The following PDE4B variants were observed in gnomAD, a reference collection of about 807,000 sequenced individuals.
PDE4B encodes the protein phosphodiesterase 4B, also known as 3',5'-cyclic-AMP phosphodiesterase 4B.
Under a neutral mutation model 82.2 loss-of-function variants are expected in PDE4B, and 20 were observed. That is an observed-to-expected ratio of 0.24 (90% CI 0.17 to 0.35). The LOEUF (loss-of-function observed/expected upper bound fraction) is 0.35, where lower values mean the gene tolerates loss of function less well. PDE4B is among the 10% of genes least tolerant of loss of function. The pLI is 1.00. For synonymous variants in PDE4B, 320 were observed against 318.9 expected, an observed-to-expected ratio of 1.00 and a Z score of -0.04; for missense variants, 655 against 907.2, an observed-to-expected ratio of 0.72 and a Z score of 3.57.
intron 3 of PDE4B, among the ~76,000 whole-genome samples, chr1:65,959,543 A>G (rs567956401): frequency 6.8e-6 from 1 of 148,120 alleles, no homozygotes; most frequent in Admixed American, 6.7e-5. Context: ...AAATAATATT[A>G]ACATTAATAT....
intron 1 of PDE4B, among the ~76,000 whole-genome samples, chr1:65,879,062 T>G (rs1646681159): frequency 6.6e-6 from 1 of 152,120 alleles, no homozygotes; most frequent in Non-Finnish European, 1.5e-5. Context: ...ATGAAGAAAC[T>G]GAGACACAGA....
intron 3 of PDE4B, among the ~76,000 whole-genome samples, chr1:66,171,509 T>A (rs1646835891): frequency 6.6e-6 from 1 of 152,084 alleles, no homozygotes. Context: ...AAGGGAAAAA[T>A]TATTTAAATT....
At chr1:65,859,147 G>C (rs564589232) in intron 1 of PDE4B, among the ~76,000 whole-genome samples, 41 of 152,088 alleles carry the variant, frequency 2.7e-4, no homozygotes, top group African/African-American at 9.6e-4. Flanking sequence ...GGATCTTTGA[G>C]AACTTATTTT....
At chr1:66,000,984 G>A (rs1447088065) in intron 3 of PDE4B, among the ~76,000 whole-genome samples, 2 of 152,126 alleles carry the variant, frequency 1.3e-5, no homozygotes, top group African/African-American at 2.4e-5. Context: ...GGAGAATTTT[G>A]GAGGATTCTC....
chr1:66,368,577 C>G (rs776033974), intron 15 of PDE4B, among the ~76,000 whole-genome samples: 1 of 152,202 alleles, frequency 6.6e-6, no homozygotes, highest in South Asian at 2.1e-4. Flanking sequence ...AGAAGACACA[C>G]GTTTTCCCCT....
intron 1 of PDE4B, among the ~76,000 whole-genome samples, chr1:65,820,713 T>G (rs1645942265): frequency 6.6e-6 from 1 of 152,226 alleles, no homozygotes; most frequent in African/African-American, 2.4e-5. Context: ...ATCTACAAAG[T>G]AGAGATATGG....
At chr1:66,128,112 G>T (rs535071529) in intron 3 of PDE4B, among the ~76,000 whole-genome samples, 1 of 152,220 alleles carries the variant, frequency 6.6e-6, no homozygotes, top group South Asian at 2.1e-4. Flanking sequence ...TTTAACATAG[G>T]TAGATTCTGG....
intron 3 of PDE4B, among the ~76,000 whole-genome samples, chr1:66,210,595 CAAAAAAAA>C (rs35825766): frequency 4.4e-5 from 2 of 45,826 alleles, no homozygotes; most frequent in African/African-American, 8.5e-5. Context: ...GACTCCATCT[CAAAAAAAA>C]AAAAAAAAAA....
chr1:65,962,577 C>T (rs1015847413), intron 3 of PDE4B, among the ~76,000 whole-genome samples: 3 of 152,088 alleles, frequency 2.0e-5, no homozygotes, highest in Non-Finnish European at 1.5e-5. Context: ...GGAGATTATC[C>T]AAATTTGGGT....
intron 1 of PDE4B, among the ~76,000 whole-genome samples, chr1:65,809,201 C>T (rs953904500): frequency 3.3e-5 from 5 of 151,614 alleles, no homozygotes; most frequent in Admixed American, 2.0e-4. Flanking sequence ...CATGGTGGCA[C>T]GGGCCTGTAA....
chr1:66,208,428 A>G (rs1327768541), intron 3 of PDE4B, among the ~76,000 whole-genome samples: 1 of 152,226 alleles, frequency 6.6e-6, no homozygotes, highest in East Asian at 1.9e-4. Context: ...TACACCAGCC[A>G]GTTCTAGAGA....
intron 3 of PDE4B, among the ~76,000 whole-genome samples, chr1:66,073,055 C>T (rs1219205956): frequency 6.7e-6 from 1 of 150,038 alleles, no homozygotes; most frequent in Non-Finnish European, 1.5e-5. Flanking sequence ...CTTATAGAAA[C>T]ATATTTGCCC....
At chr1:66,131,397 A>G (rs1260901043) in intron 3 of PDE4B, among the ~76,000 whole-genome samples, 1 of 151,598 alleles carries the variant, frequency 6.6e-6, no homozygotes, top group Non-Finnish European at 1.5e-5. Flanking sequence ...TATAAACAAC[A>G]TAAAATATTT....
intron 1 of PDE4B, among the ~76,000 whole-genome samples, chr1:65,875,638 C>A (rs1402417522): frequency 6.7e-6 from 1 of 149,450 alleles, no homozygotes; most frequent in African/African-American, 2.5e-5. Flanking sequence ...ATGATGAGTT[C>A]ATGTCCTTTG....
At chr1:66,361,126 A>AT (rs566720486) in intron 9 of PDE4B, among the ~76,000 whole-genome samples, 1 of 152,060 alleles carries the variant, frequency 6.6e-6, no homozygotes, top group South Asian at 2.1e-4. Flanking sequence ...GGATTTTTAA[A>AT]TTTTTTTTAA....
chr1:65,902,895 G>C (rs907950324), intron 1 of PDE4B, among the ~76,000 whole-genome samples: 1 of 152,124 alleles, frequency 6.6e-6, no homozygotes, highest in African/African-American at 2.4e-5. Flanking sequence ...CTTTAATTTA[G>C]AGTCTGCAGA....
intron 7 of PDE4B, among the ~76,000 whole-genome samples, chr1:66,307,980 T>C (rs1416882991): frequency 6.6e-6 from 1 of 152,114 alleles, no homozygotes; most frequent in African/African-American, 2.4e-5. Context: ...TTTTTTATCC[T>C]TGTGATAATA....
chr1:66,317,138 G>A (rs1659082483), intron 7 of PDE4B, among the ~76,000 whole-genome samples: 1 of 152,128 alleles, frequency 6.6e-6, no homozygotes, highest in Non-Finnish European at 1.5e-5. Flanking sequence ...ACCCACAGAG[G>A]CTGCAAAAAT....
At chr1:66,265,882 G>A (rs929365672) in intron 6 of PDE4B, among the ~76,000 whole-genome samples, 156 bp from the exon 7 acceptor site, 1 of 152,124 alleles carries the variant, frequency 6.6e-6, no homozygotes, top group Non-Finnish European at 1.5e-5. Context: ...TCATCTACCC[G>A]GGTTACAGGA....
Sources: allele counts gnomAD v4.1 joint callset (sites outside exome capture counted in the v4.1 genomes callset), GRCh38; gene constraint gnomAD v4.1.1; transcripts MANE v1.5; gene names NCBI Gene and HGNC (gene_info 2026-07-23, HGNC 2026-07-21).